Variants in CLIP1 observed in about 807,000 individuals in gnomAD.
The protein encoded by CLIP1 is CAP-Gly domain-containing linker protein 1.
CLIP1 carries 66 observed loss-of-function variants against 161.6 expected under a neutral mutation model. That is an observed-to-expected ratio of 0.41 (90% CI 0.33 to 0.50). The LOEUF (loss-of-function observed/expected upper bound fraction) is 0.50, where lower values mean the gene tolerates loss of function less well. Among genes scored for constraint, CLIP1 ranks in the 20% least tolerant of loss-of-function variants. The pLI, the probability that CLIP1 is intolerant of heterozygous loss-of-function variation, is 0.27. For synonymous variants in CLIP1, 598 were observed against 626.2 expected (o/e 0.96, Z 0.67); for missense variants, 1,376 against 1,702.0 (o/e 0.81, Z 3.37).
chr12:122,342,183 A>C (rs1952541365), intron 10 of CLIP1: 1 of 152,266 alleles, frequency 6.6e-6, no homozygotes, highest in Admixed American at 6.5e-5. Context: ...TCTAACTGTG[A>C]TAATGGCTTA....
chr12:122,278,594 T>A (rs924480108), intron 23 of CLIP1, 198 bp downstream of exon 23: 2 of 572,274 alleles, frequency 3.5e-6, no homozygotes, highest in Non-Finnish European at 5.9e-6. Flanking sequence ...TGTGACAATA[T>A]TGACAGACCA....
At chr12:122,337,362 G>A (rs1212185849) in intron 11 of CLIP1, among the ~76,000 whole-genome samples, 3 of 151,012 alleles carry the variant, frequency 2.0e-5, no homozygotes, top group Non-Finnish European at 3.0e-5. Flanking sequence ...CAGAAGAATC[G>A]CTTGAGCCTG....
At chr12:122,411,052 T>C (rs568397673) in intron 1 of CLIP1, among the ~76,000 whole-genome samples, 14 of 152,176 alleles carry the variant, frequency 9.2e-5, no homozygotes, top group Non-Finnish European at 1.8e-4. Context: ...AGTTCGCATA[T>C]GACCCAGCAA....
At chr12:122,359,219 T>G (rs1170418337) in intron 5 of CLIP1, among the ~76,000 whole-genome samples, 1 of 152,200 alleles carries the variant, frequency 6.6e-6, no homozygotes, top group Non-Finnish European at 1.5e-5. Flanking sequence ...ATTTTTGGCT[T>G]AGAAACCATA....
intron 1 of CLIP1, among the ~76,000 whole-genome samples, chr12:122,412,525 C>T (rs889201657): frequency 1.3e-5 from 2 of 151,850 alleles, no homozygotes; most frequent in East Asian, 1.9e-4. Context: ...CAAGGTGGCA[C>T]GTGTTTGTAA....
rs1951057277 is a variant in CLIP1 at position 122,311,410 on chromosome 12, CA to C, written c.3474-1529del. Among the ~76,000 whole-genome samples, 2 of 151,422 alleles carry C rather than the reference CA, an allele frequency of 1.3e-5. No homozygotes were observed. The highest frequency in any genetic ancestry group is 4.2e-4 in the South Asian group (2 of 4,810). On this transcript the variant is annotated intron_variant, in intron 19 of 25. Transcript: ENST00000620786. This position sits in a 1 kb window ranked among gnomAD's most constrained non-coding sequence, Gnocchi z 4.3. ...ATCCTAAAGCATTGACCTATAAAAACAAAATTATTATTATTATTATTTTTTT... is the reference window on the plus strand; with the variant it reads ...ATCCTAAAGCATTGACCTATAAAAACAAATTATTATTATTATTATTTTTTT...
At chr12:122,286,552 A>AG (rs1955862755) in intron 21 of CLIP1, among the ~76,000 whole-genome samples, 2 of 140,132 alleles carry the variant, frequency 1.4e-5, no homozygotes, top group South Asian at 2.2e-4. Flanking sequence ...AAAAAAAAAA[A>AG]GTAGACAAAG....
At chr12:122,369,048 T>A (rs1954304627) in intron 3 of CLIP1, among the ~76,000 whole-genome samples, 1 of 151,956 alleles carries the variant, frequency 6.6e-6, no homozygotes, top group Non-Finnish European at 1.5e-5. Flanking sequence ...AGACGGAGTT[T>A]CGCTCTGTCG....
Position 122,355,952 on chromosome 12 carries a change from G to A in CLIP1, c.1006-640C>T, listed in dbSNP as rs920316654. 6.6e-6 allele frequency: 1 copy of A among 152,288 alleles called. No homozygotes were observed. The highest frequency in any genetic ancestry group is 2.4e-5 in the African/African-American group (1 of 41,464). 9.4% of individuals were successfully genotyped at this position (152,288 alleles called of 1,614,324 possible). A position where few individuals can be genotyped will look rare whatever the true frequency, so the allele number is the denominator to read the frequency against. ...TTCATCTTCTGCAGTCAGAGCTGCT[G>A]CAGCTGTCGCCTGAAAGCTCTTCTC... On this transcript the variant is annotated intron_variant, in intron 5 of 25. Transcript: ENST00000620786. This position sits in a 1 kb window ranked among gnomAD's most constrained non-coding sequence, Gnocchi z 4.1.
intron 17 of CLIP1, among the ~76,000 whole-genome samples, chr12:122,321,661 G>C (rs1325188074): frequency 6.6e-6 from 1 of 151,928 alleles, no homozygotes; most frequent in Non-Finnish European, 1.5e-5. Flanking sequence ...TGGGACGATA[G>C]GCATGTGTCA....
At chr12:122,308,487 T>C (rs755551577) in intron 20 of CLIP1, among the ~76,000 whole-genome samples, 9 of 152,146 alleles carry the variant, frequency 5.9e-5, no homozygotes, top group South Asian at 4.1e-4. Flanking sequence ...TCTCACAAAC[T>C]CATCAAAGGA....
rs1201059475 is a variant in CLIP1, at chr12:122,279,129, T to C, written c.3664A>G (p.Lys1222Glu). ...EMKKRESKFI[K>E]DADEEKASLQ... ...GAAGCTTTCTCTTCATCTGCGTCTTTTATGAACTTGGATTCTCTAAAAGAC... is the reference window on the plus strand; with the variant it reads ...GAAGCTTTCTCTTCATCTGCGTCTTCTATGAACTTGGATTCTCTAAAAGAC... Residue 1222 changes from lysine (K) to glutamate (E), a missense_variant, in exon 22 of 26, where the codon AAA becomes GAA. Around this residue, in one of 6 missense-constraint regions of CLIP1, gnomAD observed 948 missense variants for 1,134.8 expected, o/e 0.84. Coordinates refer to ENST00000620786, the MANE Select transcript of CLIP1 (RefSeq NM_001247997.2). This position sits in a 1 kb window ranked among gnomAD's most constrained non-coding sequence, Gnocchi z 4.5. 1.2e-6 allele frequency: 2 copies of C among 1,611,144 alleles called. No individual in the cohort carries two copies. The highest frequency in any genetic ancestry group is 1.1e-5 in the South Asian group (1 of 90,472).
intron 15 of CLIP1, among the ~76,000 whole-genome samples, chr12:122,330,900 C>T (rs1196735767): frequency 1.3e-5 from 2 of 151,888 alleles, no homozygotes; most frequent in Non-Finnish European, 2.9e-5. Context: ...CACGCCCGGC[C>T]TACAATGTAG....
At chr12:122,413,709 A>G (rs900699154) in intron 1 of CLIP1, among the ~76,000 whole-genome samples, 1 of 152,198 alleles carries the variant, frequency 6.6e-6, no homozygotes, top group African/African-American at 2.4e-5. Flanking sequence ...GGTTCCCAAT[A>G]GGGATTCTGT....
chr12:122,304,912 G>A (rs1382564737), intron 20 of CLIP1, among the ~76,000 whole-genome samples: 1 of 152,152 alleles, frequency 6.6e-6, no homozygotes, highest in Non-Finnish European at 1.5e-5. Context: ...CCCTTTCTAA[G>A]CATTCATGTC....
At chr12:122,338,744 A>G (rs1487425020) in intron 11 of CLIP1, among the ~76,000 whole-genome samples, 1 of 152,020 alleles carries the variant, frequency 6.6e-6, no homozygotes, top group African/African-American at 2.4e-5. Context: ...AAACAAAAAA[A>G]TCCACTGGAC....
intron 11 of CLIP1, among the ~76,000 whole-genome samples, chr12:122,339,487 A>C (rs1341715569): frequency 6.6e-6 from 1 of 151,948 alleles, no homozygotes; most frequent in Non-Finnish European, 1.5e-5. Flanking sequence ...ACAGACGCAC[A>C]CCACCACACC....
Position 122,422,626 on chromosome 12 carries a change from G to T in CLIP1, c.-212C>A, listed in dbSNP as rs1213583254. 1 of 146,452 alleles carries T rather than the reference G, an allele frequency of 6.8e-6. No homozygotes were observed. Among genetic ancestry groups the T allele is most frequent in the Non-Finnish European group, 1.5e-5 (1 of 65,648 alleles). The allele number at this position is 146,452 out of a possible 1,614,324, so 9.1% of individuals were successfully genotyped here. A position where few individuals can be genotyped will look rare whatever the true frequency, so the allele number is the denominator to read the frequency against. On this transcript the variant is annotated 5_prime_UTR_variant, in exon 1 of 26. Transcript: ENST00000620786. ...GCTCGTCGGCTCGGGGCGGGGGAGA[G>T]CGTGACGCGCCGCCGCCGCCGCGGG...
chr12:122,366,717 T>C (rs1954190360), intron 3 of CLIP1, among the ~76,000 whole-genome samples: 1 of 152,170 alleles, frequency 6.6e-6, no homozygotes, highest in Non-Finnish European at 1.5e-5. Context: ...GGCACATGCC[T>C]ATAATCCCAG....
Sources: gnomAD v4.1 joint callset for allele counts (sites outside exome capture counted in the v4.1 genomes callset) on GRCh38, gnomAD v4.1.1 for gene constraint, gnomAD v4.1.1 regional missense constraint, Gnocchi (gnomAD v3.1) non-coding constraint, MANE v1.5 for transcripts, NCBI Gene and HGNC (gene_info 2026-07-23, HGNC 2026-07-21) for gene names.